Variants in RB1CC1 observed in about 807,000 individuals in gnomAD.
RB1CC1 encodes the protein RB1-inducible coiled-coil protein 1.
In RB1CC1, 46 loss-of-function variants were observed where a neutral mutation model predicts 177.5. The observed-to-expected ratio is 0.26, with a 90% CI of 0.20 to 0.33. The LOEUF (loss-of-function observed/expected upper bound fraction) is 0.33, where lower values mean the gene tolerates loss of function less well. RB1CC1 is among the 10% of genes least tolerant of loss of function. The probability of loss-of-function intolerance (pLI) is 1.00; values close to 1 mark genes in which losing one functional copy is unlikely to be tolerated. For missense variants in RB1CC1, 1,703 were observed against 1,816.3 expected (o/e 0.94, Z 1.13); for synonymous variants, 666 against 613.6 (o/e 1.09, Z -1.26).
rs540264219 is a variant in RB1CC1, at chr8:52,697,460, A to T, written c.-166-10493T>A. ...GTGCAAATCTAAATACGGACAGGGTATCGGATTATACTAAAGAATTAGAAT... is the reference window on the plus strand; with the variant it reads ...GTGCAAATCTAAATACGGACAGGGTTTCGGATTATACTAAAGAATTAGAAT... On this transcript the variant is annotated intron_variant, in intron 1 of 23. Transcript: ENST00000025008. Among the ~76,000 whole-genome samples, 6 of 152,316 alleles carry T rather than the reference A, an allele frequency of 3.9e-5. No homozygotes were observed. The South Asian group carries it at 1.2e-3, about 32-fold the overall frequency.
At chr8:52,650,206 T>C (rs1486905595) in intron 15 of RB1CC1, among the ~76,000 whole-genome samples, 1 of 152,228 alleles carries the variant, frequency 6.6e-6, no homozygotes, top group Non-Finnish European at 1.5e-5. Context: ...CTTCAAAGGT[T>C]TCCTCTGCAT....
Position 52,675,888 on chromosome 8 carries a change from G to GAAAA in RB1CC1, c.572+477_572+480dup, listed in dbSNP as rs1268855883. Among the ~76,000 whole-genome samples the GAAAA allele has an allele frequency of 2.7e-3, 195 of 72,134 alleles. 2 individuals are homozygous for GAAAA. Among genetic ancestry groups the GAAAA allele is most frequent in the Non-Finnish European group, 4.5e-3 (155 of 34,118 alleles). 47.3% of individuals were successfully genotyped at this position (72,134 alleles called of 152,430 possible). On this transcript the variant is annotated intron_variant, in intron 6 of 23. Transcript: ENST00000025008. ...GGCAACAGAGCGAGCCTCCGTCTCAGAAAAAAAAAAAAAAAAAAGAAAAGA... is the reference window on the plus strand; with the variant it reads ...GGCAACAGAGCGAGCCTCCGTCTCAGAAAAAAAAAAAAAAAAAAAAAAGAAAAGA...
At chr8:52,636,696 T>C (rs1340137774) in intron 18 of RB1CC1, among the ~76,000 whole-genome samples, 2 of 152,188 alleles carry the variant, frequency 1.3e-5, no homozygotes, top group East Asian at 3.8e-4. Context: ...AAGATTGACT[T>C]CTGTAAGAGT....
chr8:52,631,118 G>A (rs915528808), intron 20 of RB1CC1, among the ~76,000 whole-genome samples: 2 of 152,146 alleles, frequency 1.3e-5, no homozygotes, highest in Admixed American at 1.3e-4. Context: ...TAGGGTAAAT[G>A]TGCGATTTGT....
At chr8:52,631,255 A>G (rs1848735038) in intron 20 of RB1CC1, among the ~76,000 whole-genome samples, 1 of 152,116 alleles carries the variant, frequency 6.6e-6, no homozygotes, top group Non-Finnish European at 1.5e-5. Flanking sequence ...AAAAAACCAA[A>G]AAGATTTAAA....
In RB1CC1 at chr8:52,694,064, T is replaced by G. The variant is rs760807721; in HGVS notation, c.-166-7097A>C. On this transcript the variant is annotated intron_variant, in intron 1 of 23. Coordinates refer to ENST00000025008, the MANE Select transcript of RB1CC1 (RefSeq NM_014781.5). ...AACACTTCACAGCTAAAGAAACATA[T>G]AGAGGAGAACCTACCTATCGTAGCC... 3.9e-5 allele frequency among the ~76,000 whole-genome samples: 6 copies of G among 152,246 alleles called. No homozygotes were observed. In the South Asian group the frequency reaches 1.0e-3, roughly 26 times the overall value.
At chr8:52,696,110 T>A (rs1424171334) in intron 1 of RB1CC1, among the ~76,000 whole-genome samples, 1 of 152,216 alleles carries the variant, frequency 6.6e-6, no homozygotes, top group Non-Finnish European at 1.5e-5. Flanking sequence ...AATGGCACAA[T>A]CTCGGCTCAC....
intron 5 of RB1CC1, among the ~76,000 whole-genome samples, chr8:52,682,762 T>A (rs1563435222): frequency 6.6e-6 from 1 of 152,210 alleles, no homozygotes; most frequent in Non-Finnish European, 1.5e-5. Context: ...GTATATTTTT[T>A]AAAATTTTGT....
chr8:52,656,380 A>G lies in RB1CC1; in HGVS notation c.3449T>C (p.Ile1150Thr), dbSNP rs190758126. 1.1e-5 allele frequency: 18 copies of G among 1,610,492 alleles called. No homozygotes were observed. In the African/African-American group the frequency reaches 1.9e-4, roughly 17 times the overall value. Residue 1150 changes from isoleucine to threonine, a missense_variant, in exon 15 of 24, where the codon ATA becomes ACA. Around this residue, in one of 6 missense-constraint regions of RB1CC1, gnomAD observed 1,169 missense variants for 1,184.7 expected, o/e 0.99. Transcript: ENST00000025008. Reference sequence around the variant, plus strand: ...TACTTTGTTTAATTCAGCTTTAAGTATATTAGATTCTTCTTCATGTCTACT... The same window carrying G: ...TACTTTGTTTAATTCAGCTTTAAGTGTATTAGATTCTTCTTCATGTCTACT... The part of the protein sequence containing the change: ...LISRHEEESN[I>T]LKAELNKVTS...
At chr8:52,635,467 A>G (rs2150390734) in intron 19 of RB1CC1, among the ~76,000 whole-genome samples, 1 of 152,312 alleles carries the variant, frequency 6.6e-6, no homozygotes, top group Non-Finnish European at 1.5e-5. Flanking sequence ...TTATAGGCCT[A>G]AAGAATGAAA....
chr8:52,634,274 GC>G (rs1321934544), intron 20 of RB1CC1, among the ~76,000 whole-genome samples: 2 of 152,172 alleles, frequency 1.3e-5, no homozygotes, highest in African/African-American at 4.8e-5. Context: ...GTAACTCCCA[GC>G]ACTTTGGGAG....
At chr8:52,708,979 G>A (rs186188725) in intron 1 of RB1CC1, among the ~76,000 whole-genome samples, 9 of 152,224 alleles carry the variant, frequency 5.9e-5, no homozygotes, top group African/African-American at 2.2e-4. Context: ...AGGCAGAGGC[G>A]GACAGATCAC....
intron 3 of RB1CC1, 84 bp downstream of exon 3, chr8:52,685,315 A>G (rs1854174960): frequency 2.8e-6 from 3 of 1,082,670 alleles, no homozygotes; most frequent in East Asian, 2.6e-5. Flanking sequence ...CCATTATCCT[A>G]CTTTTTAAAC....
At position 52,714,432 on chromosome 8, in the gene RB1CC1, C is replaced by T. The variant is rs879602820; in HGVS notation, c.-524G>A. The T allele has an allele frequency of 6.6e-6, 1 of 152,338 alleles. No homozygotes were observed. Among genetic ancestry groups the T allele is most frequent in the African/African-American group, 2.4e-5 (1 of 41,464 alleles). 9.4% of individuals were successfully genotyped at this position (152,338 alleles called of 1,614,324 possible). On this transcript the variant is annotated 5_prime_UTR_variant, in exon 1 of 24. Coordinates refer to ENST00000025008, the MANE Select transcript of RB1CC1 (RefSeq NM_014781.5). ...CCGCGGCTTGGTTTGTTATTGTCGA[C>T]TCCGTCTCTTCCTCCGCGGCGCATG...
At position 52,642,462 on chromosome 8, in the gene RB1CC1, A is replaced by C. The variant is rs945633721; in HGVS notation, c.4226T>G (p.Leu1409Arg). 2 of 1,613,982 alleles carry C rather than the reference A, an allele frequency of 1.2e-6. No homozygotes were observed. The highest frequency in any genetic ancestry group is 2.7e-5 in the African/African-American group (2 of 74,904). Residue 1409 changes from leucine to arginine, a missense_variant, in exon 18 of 24, where the codon CTT becomes CGT. Around this residue, in one of 6 missense-constraint regions of RB1CC1, gnomAD observed 1,169 missense variants for 1,184.7 expected, o/e 0.99. Transcript: ENST00000025008. The part of the protein sequence containing the change: ...PSPYVATAPE[L>R]YGACAPELPG... ...GAGTTCAGGTGCACAAGCTCCATAAAGTTCTGGGGCTGTAGCTACATATGG... is the reference window on the plus strand; with the variant it reads ...GAGTTCAGGTGCACAAGCTCCATAACGTTCTGGGGCTGTAGCTACATATGG...
rs544727523 is a variant in RB1CC1, at chr8:52,711,833, G to A, written c.-167+2242C>T. Among the ~76,000 whole-genome samples, 4 of 152,248 alleles carry A rather than the reference G, an allele frequency of 2.6e-5. No homozygotes were observed. In the East Asian group the frequency reaches 5.8e-4, roughly 22 times the overall value. On this transcript the variant is annotated intron_variant, in intron 1 of 23. Transcript: ENST00000025008. ...AGTAACTTCATTTTTCTTGGTATATGCCATGTATATCAGAGCCTTTCCATT... is the reference window on the plus strand; with the variant it reads ...AGTAACTTCATTTTTCTTGGTATATACCATGTATATCAGAGCCTTTCCATT...
At chr8:52,679,835 A>AATTATAATACC (rs1454626800) in intron 5 of RB1CC1, among the ~76,000 whole-genome samples, 2 of 152,196 alleles carry the variant, frequency 1.3e-5, no homozygotes, top group Non-Finnish European at 2.9e-5. Context: ...AGAGTAGCAG[A>AATTATAATACC]AGAAATAATA....
At chr8:52,660,880 C>G (rs748600861) in intron 11 of RB1CC1, 46 bp downstream of exon 11, 1 of 1,514,708 alleles carries the variant, frequency 6.6e-7, no homozygotes, top group Non-Finnish European at 9.0e-7. Context: ...CTTATAAAAA[C>G]TTTTATCCTT....
chr8:52,695,471 C>T (rs567119443), intron 1 of RB1CC1, among the ~76,000 whole-genome samples: 52 of 152,314 alleles, frequency 3.4e-4, no homozygotes, highest in African/African-American at 1.2e-3. Flanking sequence ...GCTTCAGTCA[C>T]GTCAGTGTAG....
Sources: allele counts gnomAD v4.1 joint callset (sites outside exome capture counted in the v4.1 genomes callset), GRCh38; gene constraint gnomAD v4.1.1; regional missense constraint gnomAD v4.1.1; transcripts MANE v1.5; gene names NCBI Gene and HGNC (gene_info 2026-07-23, HGNC 2026-07-21).